The following ADAMTSL2 variants were observed in gnomAD, a reference collection of about 807,000 sequenced individuals.
ADAMTSL2 encodes the protein ADAMTS-like protein 2.
In ADAMTSL2, 55 loss-of-function variants were observed where a neutral mutation model predicts 117.0. That is an observed-to-expected ratio of 0.47 (90% CI 0.38 to 0.59). The LOEUF (loss-of-function observed/expected upper bound fraction) is 0.59, where lower values mean the gene tolerates loss of function less well. Ranked by LOEUF, ADAMTSL2 falls within the 20% of genes least tolerant of loss-of-function variation. The pLI, the probability that ADAMTSL2 is intolerant of heterozygous loss-of-function variation, is 0.00. For synonymous variants in ADAMTSL2, 572 were observed against 566.4 expected, an observed-to-expected ratio of 1.01 and a Z score of -0.14; for missense variants, 1,182 against 1,354.5, an observed-to-expected ratio of 0.87 and a Z score of 2.00.
chr9:133,551,973 G>A (rs933152000), intron 9 of ADAMTSL2, among the ~76,000 whole-genome samples: 1 of 152,000 alleles, frequency 6.6e-6, no homozygotes, highest in Non-Finnish European at 1.5e-5. Flanking sequence ...GGGATTACAG[G>A]CGCCCACCAC....
intron 1 of ADAMTSL2, 88 bp downstream of exon 1, chr9:133,535,005 C>G (rs2131084063): frequency 7.7e-7 from 1 of 1,305,082 alleles, no homozygotes; most frequent in South Asian, 2.2e-5. Context: ...TAGGAGCACC[C>G]CGCGCCCTCT....
chr9:133,533,962 G>T (rs892961284), upstream of ADAMTSL2, among the ~76,000 whole-genome samples: 6 of 152,042 alleles, frequency 3.9e-5, no homozygotes, highest in African/African-American at 1.2e-4. Context: ...GAGTTTCCCA[G>T]GGGGGCTCTG....
chr9:133,566,760 C>T (rs906708322), intron 12 of ADAMTSL2, 176 bp from the exon 13 acceptor site: 93 of 839,782 alleles, frequency 1.1e-4, no homozygotes, highest in Middle Eastern at 2.6e-4. Flanking sequence ...AGCTCAGACC[C>T]GCACAGCTCA....
At chr9:133,545,250 G>A (rs1364396703) in intron 8 of ADAMTSL2, among the ~76,000 whole-genome samples, 1 of 152,140 alleles carries the variant, frequency 6.6e-6, no homozygotes, top group Non-Finnish European at 1.5e-5. Context: ...CTCTGTGCTC[G>A]GCCCTTCCCT....
chr9:133,551,180 T>C (rs1015669767), intron 9 of ADAMTSL2, among the ~76,000 whole-genome samples: 3 of 152,220 alleles, frequency 2.0e-5, no homozygotes, highest in Non-Finnish European at 4.4e-5. Context: ...TCCAGGCCAG[T>C]CCTGGATGGG....
At chr9:133,564,595 GGGGAGAGAGA>G (rs1564178873) in intron 12 of ADAMTSL2, among the ~76,000 whole-genome samples, 58 of 36,620 alleles carry the variant, frequency 1.6e-3, no homozygotes, top group Non-Finnish European at 2.4e-3. Flanking sequence ...AGAGAGAGAG[GGGGAGAGAGA>G]GGGAGAGAGA....
At chr9:133,540,825 G>A (rs568092480) in intron 6 of ADAMTSL2, 53 bp from the exon 7 acceptor site, 398 of 1,612,912 alleles carry the variant, frequency 2.5e-4, no homozygotes, top group Middle Eastern at 1.3e-3. Context: ...TGGCGGCCCC[G>A]GGGCCTGGCC....
chr9:133,551,297 C>T (rs35356035), intron 9 of ADAMTSL2, among the ~76,000 whole-genome samples: 3 of 105,884 alleles, frequency 2.8e-5, no homozygotes, highest in African/African-American at 1.1e-4. Context: ...ATCATAAGGG[C>T]CCCCCCACAC....
Position 133,573,861 on chromosome 9 carries a change from G to C in ADAMTSL2, c.2611G>C (p.Val871Leu). 1.9e-6 allele frequency: 3 copies of C among 1,614,120 alleles called. No individual in the cohort carries two copies. The highest frequency in any genetic ancestry group is 2.5e-6 in the Non-Finnish European group (3 of 1,180,026). ...ACACCAGTGCACCAAGACCTGCGGG[G>C]TGGGCGTGAGGATGCGAGACGTCAA... ...PWSECTKTCG[V>L]GVRMRDVKCY... Residue 871 changes from valine (V) to leucine (L), a missense_variant, in exon 18 of 19, where the codon GTG becomes CTG. Val to Leu is a conservative substitution (Grantham distance 32). Coordinates refer to ENST00000651351, the MANE Select transcript of ADAMTSL2 (RefSeq NM_014694.4).
At position 133,539,667 on chromosome 9, in the gene ADAMTSL2, TGTCCC is replaced by T; in HGVS notation, c.310-102_310-98del. On this transcript the variant is annotated intron_variant, in intron 4 of 18. Coordinates refer to ENST00000651351, the MANE Select transcript of ADAMTSL2 (RefSeq NM_014694.4). ...GTGGCCCCCGCACGGCTGTCCCGGC[TGTCCC>T]GGCTGTCCCGGCTGCAGCCACTTCC... 2.6e-6 allele frequency: 3 copies of T among 1,160,504 alleles called. 1 individual carries two copies. In the African/African-American group the frequency reaches 4.6e-5, roughly 18 times the overall value. 71.9% of individuals were successfully genotyped at this position (1,160,504 alleles called of 1,614,324 possible).
intron 15 of ADAMTSL2, 108 bp from the exon 16 acceptor site, chr9:133,569,300 T>G (rs997355295): frequency 8.5e-7 from 1 of 1,179,898 alleles, no homozygotes; most frequent in Non-Finnish European, 1.2e-6. Context: ...TGGCAACCGC[T>G]TCGACACTGC....
intron 12 of ADAMTSL2, among the ~76,000 whole-genome samples, chr9:133,565,712 C>A (rs1196636231): frequency 6.6e-6 from 1 of 152,258 alleles, no homozygotes; most frequent in Non-Finnish European, 1.5e-5. Flanking sequence ...CCTGCAGACA[C>A]ACGCCGCCGG....
At chr9:133,536,980 C>T (rs1399731147) in intron 2 of ADAMTSL2, among the ~76,000 whole-genome samples, 178 bp downstream of exon 2, 2 of 152,206 alleles carry the variant, frequency 1.3e-5, no homozygotes, top group Non-Finnish European at 2.9e-5. Flanking sequence ...TGAACTGGGG[C>T]CCTGGCTACT....
intron 8 of ADAMTSL2, among the ~76,000 whole-genome samples, chr9:133,544,960 C>G (rs1463928852): frequency 6.6e-6 from 1 of 151,982 alleles, no homozygotes; most frequent in Non-Finnish European, 1.5e-5. Flanking sequence ...AGGTAGGATT[C>G]CGACTCAGGT....
intron 17 of ADAMTSL2, among the ~76,000 whole-genome samples, chr9:133,572,132 C>T (rs13294575): frequency 0.74 from 111,403 of 150,750 alleles, 41,541 homozygotes; most frequent in Middle Eastern, 0.86. Flanking sequence ...TCCCAGGCTC[C>T]TCGTGCACGC....
rs944566941 is a variant in ADAMTSL2, at chr9:133,574,311, C to T, written c.2737+324C>T. Among the ~76,000 whole-genome samples the T allele has an allele frequency of 2.0e-5, 3 of 152,290 alleles. No individual in the cohort carries two copies. The South Asian group carries it at 6.2e-4, about 32-fold the overall frequency. On this transcript the variant is annotated intron_variant, in intron 18 of 18. Transcript: ENST00000651351. The stretch of plus-strand genomic sequence containing the variant: ...GCCAAGACCTGAATCCAGGATGACT[C>T]AGCTGGAGCGGCCAGGGGCTGGCAC...
chr9:133,537,696 T>G lies in ADAMTSL2; in HGVS notation c.233+149T>G. 3.1e-6 allele frequency: 3 copies of G among 952,988 alleles called. No individual in the cohort carries two copies. In the South Asian group the frequency reaches 1.5e-4, roughly 48 times the overall value. 59.0% of individuals were successfully genotyped at this position (952,988 alleles called of 1,614,324 possible). A position where few individuals can be genotyped will look rare whatever the true frequency, so the allele number is the denominator to read the frequency against. On this transcript the variant is annotated intron_variant, in intron 3 of 18. Coordinates refer to ENST00000651351, the MANE Select transcript of ADAMTSL2 (RefSeq NM_014694.4). The stretch of plus-strand genomic sequence containing the variant: ...CACAGGCTGAGTCCCCCCATCAGCC[T>G]CTGCTGGACGCGGCTATGGATGGGC...
intron 9 of ADAMTSL2, among the ~76,000 whole-genome samples, chr9:133,549,659 A>G (rs1830437719): frequency 7.4e-6 from 1 of 134,726 alleles, no homozygotes; most frequent in Non-Finnish European, 1.6e-5. Flanking sequence ...TGCTTGGATT[A>G]TAGGCGTGAG....
At chr9:133,564,351 AGG>A (rs1830874183) in intron 12 of ADAMTSL2, among the ~76,000 whole-genome samples, 1 of 55,848 alleles carries the variant, frequency 1.8e-5, no homozygotes. Flanking sequence ...AGAAAGAGAG[AGG>A]GAGAGAGAGA....
Sources: allele counts gnomAD v4.1 joint callset (sites outside exome capture counted in the v4.1 genomes callset), GRCh38; gene constraint gnomAD v4.1.1; transcripts MANE v1.5; gene names NCBI Gene and HGNC (gene_info 2026-07-23, HGNC 2026-07-21).